Variants in HS3ST4 observed in about 807,000 individuals in gnomAD.
HS3ST4 encodes the protein heparan sulfate-glucosamine 3-sulfotransferase 4.
A neutral mutation model predicts 29.2 loss-of-function variants in HS3ST4; 17 were observed. The observed-to-expected ratio is 0.58, with a 90% CI of 0.40 to 0.87. The LOEUF (loss-of-function observed/expected upper bound fraction) is 0.87, where lower values mean the gene tolerates loss of function less well. HS3ST4 is among the 40% of genes least tolerant of loss of function. The probability of loss-of-function intolerance (pLI) is 0.00; values close to 1 mark genes in which losing one functional copy is unlikely to be tolerated. For synonymous variants in HS3ST4, 314 were observed against 285.7 expected, an observed-to-expected ratio of 1.10 and a Z score of -1.00; for missense variants, 627 against 634.5, an observed-to-expected ratio of 0.99 and a Z score of 0.13.
chr16:26,046,145 ATT>A (rs146624042), intron 1 of HS3ST4, among the ~76,000 whole-genome samples: 5,162 of 114,632 alleles, frequency 0.045, 167 homozygotes, highest in African/African-American at 0.16. Flanking sequence ...AGGACAGGAA[ATT>A]TTTTTTTTTT....
intron 1 of HS3ST4, among the ~76,000 whole-genome samples, chr16:26,084,266 C>T (rs1454556489): frequency 6.6e-6 from 1 of 152,170 alleles, no homozygotes; most frequent in Non-Finnish European, 1.5e-5. Flanking sequence ...TATGTTTAAT[C>T]CCTCCCTGAT....
chr16:26,060,664 T>G (rs750540853), intron 1 of HS3ST4, among the ~76,000 whole-genome samples: 8 of 152,134 alleles, frequency 5.3e-5, no homozygotes, highest in Non-Finnish European at 1.0e-4. Context: ...TCATCTGAAA[T>G]CTGGTATAAA....
rs3934477 is a variant in HS3ST4 at position 25,977,505 on chromosome 16, T to C, written c.735-158107T>C. ...TGAAACAGTGAATAATACAGACCCC[T>C]AGGACCTCAAAGGTCTGTACACATC... On this transcript the variant is annotated intron_variant, in intron 1 of 1. Coordinates refer to ENST00000331351, the MANE Select transcript of HS3ST4 (RefSeq NM_006040.3). Among the ~76,000 whole-genome samples the C allele has an allele frequency of 9.1e-3, 1,383 of 152,318 alleles. 20 individuals carry two copies. Among genetic ancestry groups the C allele is most frequent in the African/African-American group, 0.031 (1,290 of 41,582 alleles).
At chr16:25,731,629 C>A (rs1260871261) in intron 1 of HS3ST4, among the ~76,000 whole-genome samples, 2 of 152,164 alleles carry the variant, frequency 1.3e-5, no homozygotes, top group East Asian at 3.9e-4. Flanking sequence ...GTGTGAGCCA[C>A]CACACTTGAC....
intron 1 of HS3ST4, among the ~76,000 whole-genome samples, chr16:25,763,373 A>C (rs932132235): frequency 4.6e-5 from 7 of 152,180 alleles, no homozygotes; most frequent in African/African-American, 1.7e-4. Flanking sequence ...TCCCCCTAGC[A>C]GACTTCTACC....
At chr16:25,859,948 T>C (rs904819909) in intron 1 of HS3ST4, among the ~76,000 whole-genome samples, 1 of 152,150 alleles carries the variant, frequency 6.6e-6, no homozygotes, top group African/African-American at 2.4e-5. Flanking sequence ...CACCTGAGCT[T>C]CACCTCCTGT....
In HS3ST4 at chr16:25,852,471, A is replaced by C. The variant is rs544321385; in HGVS notation, c.734+159320A>C. ...ATTTAAATCCATTTCCCTAATTACT[A>C]GTAAACTTGACGTTCTTTTCAAATA... is the stretch of plus-strand genomic sequence containing the variant. On this transcript the variant is annotated intron_variant, in intron 1 of 1. Transcript: ENST00000331351. 3.0e-4 allele frequency among the ~76,000 whole-genome samples: 46 copies of C among 152,132 alleles called. No individual in the cohort carries two copies. In the East Asian group the frequency reaches 4.2e-3, roughly 14 times the overall value.
intron 1 of HS3ST4, among the ~76,000 whole-genome samples, chr16:26,099,807 ACACACG>A (rs1426759823): frequency 6.6e-6 from 1 of 152,150 alleles, no homozygotes; most frequent in Non-Finnish European, 1.5e-5. Context: ...ACATGCACAC[ACACACG>A]CACACACGCA....
chr16:26,058,092 T>C (rs1218981899), intron 1 of HS3ST4, among the ~76,000 whole-genome samples: 1 of 152,190 alleles, frequency 6.6e-6, no homozygotes, highest in Non-Finnish European at 1.5e-5. Context: ...ACACAAGTTG[T>C]TGCAAGGAAA....
intron 1 of HS3ST4, among the ~76,000 whole-genome samples, chr16:26,054,180 G>A (rs1898378778): frequency 6.6e-6 from 1 of 151,718 alleles, no homozygotes; most frequent in Non-Finnish European, 1.5e-5. Flanking sequence ...TCTCCTCAGG[G>A]TATAAACACA....
At chr16:26,094,244 A>G (rs1898895729) in intron 1 of HS3ST4, among the ~76,000 whole-genome samples, 1 of 152,172 alleles carries the variant, frequency 6.6e-6, no homozygotes, top group Non-Finnish European at 1.5e-5. Flanking sequence ...CCAACATTCA[A>G]ATTCAGGAAA....
chr16:25,693,545 T>C (rs1287161413), intron 1 of HS3ST4, among the ~76,000 whole-genome samples: 2 of 152,146 alleles, frequency 1.3e-5, no homozygotes, highest in South Asian at 4.2e-4. Context: ...GATGGCTAAA[T>C]TGACTAAGGG....
At chr16:25,797,355 G>A (rs1459992151) in intron 1 of HS3ST4, among the ~76,000 whole-genome samples, 1 of 152,120 alleles carries the variant, frequency 6.6e-6, no homozygotes, top group Non-Finnish European at 1.5e-5. Context: ...TCAAAATCAC[G>A]GTATTGCGTT....
At chr16:25,788,205 G>A (rs1341515774) in intron 1 of HS3ST4, among the ~76,000 whole-genome samples, 1 of 152,124 alleles carries the variant, frequency 6.6e-6, no homozygotes, top group East Asian at 1.9e-4. Context: ...CTGAGGTCAG[G>A]AGTTTGAGAC....
At chr16:25,823,624 G>C (rs562214878) in intron 1 of HS3ST4, among the ~76,000 whole-genome samples, 1 of 152,152 alleles carries the variant, frequency 6.6e-6, no homozygotes, top group Non-Finnish European at 1.5e-5. Flanking sequence ...GCAGTGGGAT[G>C]ATCTTGGCTC....
chr16:25,849,084 T>C (rs1308569142), intron 1 of HS3ST4, among the ~76,000 whole-genome samples: 1 of 152,202 alleles, frequency 6.6e-6, no homozygotes, highest in African/African-American at 2.4e-5. Flanking sequence ...TGTTACTTAT[T>C]TTTGGTTCTT....
intron 1 of HS3ST4, chr16:26,025,239 T>C (rs1464230378): frequency 6.5e-6 from 1 of 154,494 alleles, no homozygotes; most frequent in African/African-American, 2.4e-5. Context: ...CCTAGTTAGG[T>C]TGGTGCAAAA....
intron 1 of HS3ST4, among the ~76,000 whole-genome samples, chr16:26,133,220 T>C (rs1314072043): frequency 6.6e-6 from 1 of 152,182 alleles, no homozygotes; most frequent in Non-Finnish European, 1.5e-5. Context: ...AATTCTGACA[T>C]TGAACCGGCA....
At chr16:25,933,170 C>T (rs868615210) in intron 1 of HS3ST4, among the ~76,000 whole-genome samples, 1 of 152,224 alleles carries the variant, frequency 6.6e-6, no homozygotes, top group Non-Finnish European at 1.5e-5. Context: ...TGCACTCAGA[C>T]ACCCAGCTCT....
Sources: allele counts gnomAD v4.1 joint callset (sites outside exome capture counted in the v4.1 genomes callset), GRCh38; gene constraint gnomAD v4.1.1; transcripts MANE v1.5; gene names NCBI Gene and HGNC (gene_info 2026-07-23, HGNC 2026-07-21).